CUBN: variants seen among roughly 807,000 people sequenced by gnomAD.
CUBN encodes the protein 460 kDa receptor.
CUBN carries 282 observed loss-of-function variants against 405.3 expected under a neutral mutation model. That is an observed-to-expected ratio of 0.70 (90% CI 0.63 to 0.77). The LOEUF is 0.77. Ranked by LOEUF, CUBN falls within the 30% of genes least tolerant of loss-of-function variation. CUBN has a pLI of 0.00. For synonymous variants in CUBN, 1,684 were observed against 1,617.0 expected (o/e 1.04, Z -0.99); for missense variants, 4,514 against 4,475.2 (o/e 1.01, Z -0.25).
rs759073104 is a variant in CUBN, at chr10:17,103,183, T to C, written c.1472A>G (p.Asp491Gly). The C allele has an allele frequency of 6.2e-7, 1 of 1,613,980 alleles. No homozygotes were observed. The highest frequency in any genetic ancestry group is 8.5e-7 in the Non-Finnish European group (1 of 1,179,926). The part of the protein sequence containing the change: ...INGSFSYRSP[D>G]VGYVHDVNCF... ...GTTAACATCATGAACATAACCAACA[T>C]CCGGGCTCCTGTAGCTGAAGCTTCC... The change falls in exon 13 of 67, where the codon GAT (aspartate) becomes GGT (glycine). Residue 491 changes from aspartate to glycine, a missense_variant. Transcript: ENST00000377833.
intron 14 of CUBN, among the ~76,000 whole-genome samples, chr10:17,096,806 A>C (rs1836383622): frequency 6.6e-6 from 1 of 152,120 alleles, no homozygotes; most frequent in African/African-American, 2.4e-5. Flanking sequence ...ATGATTAGTG[A>C]TCACATTGGT....
In CUBN at chr10:17,064,034, C is replaced by A. The variant is rs1835558072; in HGVS notation, c.3139+1474G>T. 2.6e-5 allele frequency among the ~76,000 whole-genome samples: 4 copies of A among 152,272 alleles called. No homozygotes were observed. The South Asian group carries it at 8.3e-4, about 32-fold the overall frequency. On this transcript the variant is annotated intron_variant, in intron 22 of 66. Transcript: ENST00000377833. The stretch of plus-strand genomic sequence containing the variant: ...GTGCACCCTATAATTTCTTAAGAAA[C>A]CAATTTTGGTCACTGGATGTTAACC...
chr10:16,911,801 T>C (rs2131448189), intron 48 of CUBN, among the ~76,000 whole-genome samples: 1 of 152,338 alleles, frequency 6.6e-6, no homozygotes, highest in South Asian at 2.1e-4. Context: ...AAAAATATCT[T>C]TATATTTTTT....
At chr10:17,020,088 G>C in intron 27 of CUBN, 105 bp from the exon 28 acceptor site, 3 of 1,281,310 alleles carry the variant, frequency 2.3e-6, no homozygotes, top group Admixed American at 3.5e-5. Context: ...TCAAAAGTTA[G>C]AGGTAAATCT....
At position 17,088,210 on chromosome 10, in the gene CUBN, G is replaced by A. The variant is rs1387513392; in HGVS notation, c.1901C>T (p.Thr634Ile). ...GTCATCATGGTGCTCGAGGCTCAAG[G>A]TCCCAAAAGTAAATGTTACCAGGAG... ...PDLLVTFTFG[T>I]LSLEHHDDCN... The change falls in exon 15 of 67, where the codon ACC (threonine) becomes ATC (isoleucine). Residue 634 changes from threonine to isoleucine, a missense_variant. Thr to Ile is a moderately conservative substitution (Grantham distance 89). Around this residue, in one of 5 missense-constraint regions of CUBN, gnomAD observed 1,448 missense variants for 1,388.0 expected, o/e 1.04. Transcript: ENST00000377833. The A allele has an allele frequency of 6.2e-7, 1 of 1,613,680 alleles. No homozygotes were observed. The highest frequency in any genetic ancestry group is 1.3e-5 in the African/African-American group (1 of 75,018).
intron 28 of CUBN, among the ~76,000 whole-genome samples, chr10:16,993,925 C>G (rs1203861178): frequency 6.6e-6 from 1 of 152,188 alleles, no homozygotes; most frequent in African/African-American, 2.4e-5. Context: ...CCTTCATGCT[C>G]TCACTACCTC....
intron 22 of CUBN, among the ~76,000 whole-genome samples, chr10:17,051,630 T>C (rs182310268): frequency 4.3e-4 from 66 of 152,094 alleles, no homozygotes; most frequent in Middle Eastern, 3.4e-3. Context: ...GAAAATTATA[T>C]AACTTAAAAT....
chr10:17,010,302 TC>T (rs1834145970), intron 28 of CUBN, among the ~76,000 whole-genome samples: 1 of 152,192 alleles, frequency 6.6e-6, no homozygotes, highest in Admixed American at 6.5e-5. Flanking sequence ...GATGAATCAA[TC>T]CAATCCCTGC....
At chr10:17,020,392 T>C in intron 27 of CUBN, among the ~76,000 whole-genome samples, 1 of 152,246 alleles carries the variant, frequency 6.6e-6, no homozygotes, top group Middle Eastern at 3.4e-3. Flanking sequence ...ACATAGTAGG[T>C]GTATATATTT....
At position 16,840,960 on chromosome 10, in the gene CUBN, A is replaced by C. The variant is rs767835510; in HGVS notation, c.9751T>G (p.Phe3251Val). ...VPAPFISSGN[F>V]LTVQFISDLT... ...TCACTGATGAATTGAACCGTAAGGAAGTTACCAGAAGAGATAAAAGGAGCA... is the reference window on the plus strand; with the variant it reads ...TCACTGATGAATTGAACCGTAAGGACGTTACCAGAAGAGATAAAAGGAGCA... Residue 3251 changes from phenylalanine to valine, a missense_variant, in exon 61 of 67, where the codon TTC becomes GTC. This residue lies in a region of CUBN where 1,186 missense variants were observed against 1,186.9 expected (regional missense o/e 1.00). Coordinates refer to ENST00000377833, the MANE Select transcript of CUBN (RefSeq NM_001081.4). 3.1e-6 allele frequency: 5 copies of C among 1,613,948 alleles called. No individual in the cohort carries two copies. The highest frequency in any genetic ancestry group is 4.2e-6 in the Non-Finnish European group (5 of 1,179,936).
chr10:16,907,415 G>GA, intron 49 of CUBN, 93 bp downstream of exon 49: 1 of 1,307,918 alleles, frequency 7.6e-7, no homozygotes, highest in Non-Finnish European at 1.1e-6. Context: ...TCACTAAAGG[G>GA]AAAATGGATG....
chr10:16,982,766 G>T, intron 30 of CUBN, 113 bp from the exon 31 acceptor site: 2 of 955,772 alleles, frequency 2.1e-6, no homozygotes, highest in Non-Finnish European at 1.6e-6. Flanking sequence ...GTTAGTCGAT[G>T]CTAAAAACAC....
chr10:17,100,005 C>G lies in CUBN; in HGVS notation c.1765G>C (p.Glu589Gln), dbSNP rs1836460636. The change falls in exon 14 of 67, where the codon GAG (glutamate) becomes CAG (glutamine). Residue 589 changes from glutamate (E) to glutamine (Q), a missense_variant and splice_region_variant. This residue lies in a region of CUBN where 1,448 missense variants were observed against 1,388.0 expected (regional missense o/e 1.04). Coordinates refer to ENST00000377833, the MANE Select transcript of CUBN (RefSeq NM_001081.4). ...FTVRWETQQP[E>Q]CGGILTGPYG... Reference sequence around the variant, plus strand: ...CTTTTTTCTCCAGGTTCACACATACCTGGTTGCTGTGTTTCCCATCTTACT... The same window carrying G: ...CTTTTTTCTCCAGGTTCACACATACGTGGTTGCTGTGTTTCCCATCTTACT... 2 of 1,607,052 alleles carry G rather than the reference C, an allele frequency of 1.2e-6. No homozygotes were observed. The highest frequency in any genetic ancestry group is 1.3e-5 in the African/African-American group (1 of 74,778).
intron 39 of CUBN, 115 bp from the exon 40 acceptor site, chr10:16,933,399 A>G (rs2131595254): frequency 2.3e-6 from 2 of 878,574 alleles, no homozygotes; most frequent in Admixed American, 2.1e-5. Context: ...AATTGAAACA[A>G]TTTCTCAGAG....
intron 45 of CUBN, among the ~76,000 whole-genome samples, chr10:16,917,000 G>A (rs1330096352): frequency 6.6e-6 from 1 of 151,710 alleles, no homozygotes; most frequent in African/African-American, 2.4e-5. Flanking sequence ...TTTTAGTGGA[G>A]ACAGGGTTTC....
chr10:16,963,446 C>A (rs750050645), intron 31 of CUBN, among the ~76,000 whole-genome samples: 1 of 152,020 alleles, frequency 6.6e-6, no homozygotes, highest in Non-Finnish European at 1.5e-5. Flanking sequence ...CTCAGCCTCC[C>A]AAAGTGCTGG....
At chr10:17,003,256 G>C (rs1833937578) in intron 28 of CUBN, among the ~76,000 whole-genome samples, 2 of 152,206 alleles carry the variant, frequency 1.3e-5, no homozygotes, top group East Asian at 1.9e-4. Context: ...ATTTCTCTCT[G>C]TGTGACATTA....
chr10:17,048,622 C>T (rs568816523), intron 22 of CUBN, among the ~76,000 whole-genome samples: 2 of 152,126 alleles, frequency 1.3e-5, no homozygotes, highest in African/African-American at 4.8e-5. Flanking sequence ...GGACTACAAG[C>T]ATGCACCACC....
chr10:17,073,170 A>G (rs550584500), intron 17 of CUBN, among the ~76,000 whole-genome samples: 12 of 152,336 alleles, frequency 7.9e-5, no homozygotes, highest in African/African-American at 1.2e-4. Context: ...GATGTCACCT[A>G]TTAATATAGA....
Sources: allele counts gnomAD v4.1 joint callset (sites outside exome capture counted in the v4.1 genomes callset), GRCh38; gene constraint gnomAD v4.1.1; regional missense constraint gnomAD v4.1.1; transcripts MANE v1.5; gene names NCBI Gene and HGNC (gene_info 2026-07-23, HGNC 2026-07-21).